SIPA1L2: variants seen among roughly 807,000 people sequenced by gnomAD.
SIPA1L2 encodes signal induced proliferation associated 1 like 2.
Under a neutral mutation model 163.9 loss-of-function variants are expected in SIPA1L2, and 56 were observed. The observed-to-expected ratio is 0.34, with a 90% confidence interval of 0.28 to 0.43. The LOEUF (loss-of-function observed/expected upper bound fraction) is 0.43. Among genes scored for constraint, SIPA1L2 ranks in the 20% least tolerant of loss-of-function variants. SIPA1L2 has a pLI of 1.00. For synonymous variants in SIPA1L2, 877 were observed against 865.7 expected, an observed-to-expected ratio of 1.01 and a Z score of -0.23; for missense variants, 1,974 against 2,193.5, an observed-to-expected ratio of 0.90 and a Z score of 2.00.
intron 1 of SIPA1L2, among the ~76,000 whole-genome samples, chr1:232,604,664 T>C (rs946226859): frequency 2.6e-5 from 4 of 152,166 alleles, no homozygotes; most frequent in Admixed American, 1.3e-4. Flanking sequence ...CATGTTGAAT[T>C]GTAATCACCA....
chr1:232,458,334 A>G (rs1664044415), intron 10 of SIPA1L2, among the ~76,000 whole-genome samples: 1 of 152,224 alleles, frequency 6.6e-6, no homozygotes, highest in African/African-American at 2.4e-5. Flanking sequence ...GAGGAAAAAC[A>G]TGTCCTTGGA....
chr1:232,569,868 C>A (rs1030115524), intron 2 of SIPA1L2, among the ~76,000 whole-genome samples: 1 of 152,140 alleles, frequency 6.6e-6, no homozygotes, highest in African/African-American at 2.4e-5. Flanking sequence ...CCATTCAAGT[C>A]TAGAATTCTA....
rs777963941 is a variant in SIPA1L2, at chr1:232,439,269, G to C, written c.3870C>G (p.Ile1290Met). 26 of 1,613,990 alleles carry C rather than the reference G, an allele frequency of 1.6e-5. No homozygotes were observed. The East Asian group carries it at 4.2e-4, about 26-fold the overall frequency. ...PVHLAGSRSL[I>M]HSRAEQWADA... ...CAGCCCACTGCTCGGCCCGGCTGTG[G>C]ATCAGGGACCTGCTGCCTGCCAGGT... Residue 1290 changes from isoleucine (I) to methionine (M), a missense_variant, in exon 15 of 23, where the codon ATC becomes ATG. By Grantham distance (10) the Ile-to-Met change is conservative (BLOSUM62 1). Coordinates refer to ENST00000674635, the MANE Select transcript of SIPA1L2 (RefSeq NM_020808.5).
chr1:232,564,195 C>A (rs1659245769), intron 2 of SIPA1L2, among the ~76,000 whole-genome samples: 1 of 73,100 alleles, frequency 1.4e-5, no homozygotes, highest in Non-Finnish European at 2.3e-5. Flanking sequence ...TGTGTTTCAT[C>A]ATGTTGGCCA....
At chr1:232,608,044 T>C (rs1240751992) in intron 1 of SIPA1L2, among the ~76,000 whole-genome samples, 1 of 42,976 alleles carries the variant, frequency 2.3e-5, no homozygotes, top group Non-Finnish European at 3.6e-5. Context: ...CGAAACTCCA[T>C]CTCAAAAAAA....
intron 10 of SIPA1L2, among the ~76,000 whole-genome samples, chr1:232,446,130 A>C (rs1042824827): frequency 1.3e-5 from 2 of 152,180 alleles, no homozygotes; most frequent in Non-Finnish European, 2.9e-5. Flanking sequence ...AATGCGTAAG[A>C]AGCAGCTGTT....
chr1:232,533,282 T>C (rs1657096496), intron 2 of SIPA1L2, among the ~76,000 whole-genome samples: 2 of 152,228 alleles, frequency 1.3e-5, no homozygotes, highest in Non-Finnish European at 2.9e-5. Context: ...TATAAAACAT[T>C]ACACAAGCAT....
At chr1:232,491,482 C>T (rs1314660041) in intron 4 of SIPA1L2, among the ~76,000 whole-genome samples, 2 of 152,182 alleles carry the variant, frequency 1.3e-5, no homozygotes, top group Non-Finnish European at 2.9e-5. Context: ...TTTTCTTCCA[C>T]TCCCTTTCTT....
At chr1:232,482,020 A>C (rs765881842) in intron 6 of SIPA1L2, among the ~76,000 whole-genome samples, 1 of 152,190 alleles carries the variant, frequency 6.6e-6, no homozygotes, top group Non-Finnish European at 1.5e-5. Context: ...TCTCCTCTCT[A>C]CTAAAAGAAT....
chr1:232,604,234 G>T (rs1179644682), intron 1 of SIPA1L2, among the ~76,000 whole-genome samples: 1 of 152,160 alleles, frequency 6.6e-6, no homozygotes, highest in Non-Finnish European at 1.5e-5. Context: ...CTAATGAGAA[G>T]AATATTCATC....
intron 11 of SIPA1L2, 103 bp from the exon 12 acceptor site, chr1:232,443,788 A>G (rs1663048049): frequency 1.2e-6 from 1 of 830,416 alleles, no homozygotes; most frequent in Admixed American, 3.3e-5. Context: ...GAGAATGACA[A>G]AGAAAAGGAA....
chr1:232,421,608 T>C (rs1303526767), intron 18 of SIPA1L2, among the ~76,000 whole-genome samples: 1 of 152,200 alleles, frequency 6.6e-6, no homozygotes, highest in African/African-American at 2.4e-5. Context: ...TGCAGATGGA[T>C]GGATACCTTG....
At chr1:232,556,929 T>TG (rs1658745165) in intron 2 of SIPA1L2, among the ~76,000 whole-genome samples, 1 of 152,174 alleles carries the variant, frequency 6.6e-6, no homozygotes, top group African/African-American at 2.4e-5. Flanking sequence ...GGCAATCCGT[T>TG]GGACCAGGAG....
intron 1 of SIPA1L2, among the ~76,000 whole-genome samples, chr1:232,604,769 T>C (rs1402778085): frequency 6.6e-6 from 1 of 152,136 alleles, no homozygotes; most frequent in Non-Finnish European, 1.5e-5. Flanking sequence ...ATGATGGAGT[T>C]CTCAGGAGAT....
At chr1:232,622,405 G>A (rs991308095) in intron 1 of SIPA1L2, among the ~76,000 whole-genome samples, 1 of 152,200 alleles carries the variant, frequency 6.6e-6, no homozygotes, top group Non-Finnish European at 1.5e-5. Context: ...CTGTAGAAAT[G>A]AACCCTGCTA....
intron 1 of SIPA1L2, among the ~76,000 whole-genome samples, chr1:232,587,796 C>G (rs1660748994): frequency 6.6e-6 from 1 of 152,148 alleles, no homozygotes; most frequent in South Asian, 2.1e-4. Context: ...GATAACTAAA[C>G]CATGGTGGCG....
intron 1 of SIPA1L2, among the ~76,000 whole-genome samples, chr1:232,597,713 A>AGG (rs945285348): frequency 7.4e-6 from 1 of 134,242 alleles, no homozygotes; most frequent in Non-Finnish European, 1.6e-5. Context: ...AAAAAAAAAA[A>AGG]AAGTAACAAG....
intron 19 of SIPA1L2, among the ~76,000 whole-genome samples, chr1:232,408,065 G>T (rs1430573132): frequency 6.6e-6 from 1 of 152,144 alleles, no homozygotes; most frequent in Non-Finnish European, 1.5e-5. Context: ...GCACTGCAGG[G>T]TGGCAAAACT....
intron 3 of SIPA1L2, among the ~76,000 whole-genome samples, chr1:232,494,867 C>T (rs1209834225): frequency 6.6e-6 from 1 of 152,190 alleles, no homozygotes; most frequent in African/African-American, 2.4e-5. Flanking sequence ...TAATGAACTG[C>T]TGCCAGGTCC....
Sources: gnomAD v4.1 joint callset for allele counts (sites outside exome capture counted in the v4.1 genomes callset) on GRCh38, gnomAD v4.1.1 for gene constraint, MANE v1.5 for transcripts, NCBI Gene and HGNC (gene_info 2026-07-23, HGNC 2026-07-21) for gene names.